Variants in FHIP1A observed in about 807,000 individuals in gnomAD.
The protein encoded by FHIP1A is FHF complex subunit HOOK interacting protein 1A, also known as FHF complex subunit HOOK-interacting protein 1A.
FHIP1A carries 61 observed loss-of-function variants against 88.6 expected under a neutral mutation model. The ratio of observed to expected loss-of-function variants is 0.69; its 90% CI spans 0.56 to 0.85. The LOEUF (loss-of-function observed/expected upper bound fraction) is 0.85, where lower values mean the gene tolerates loss of function less well. Among genes scored for constraint, FHIP1A ranks in the 40% least tolerant of loss-of-function variants. The pLI is 0.00. For synonymous variants in FHIP1A, 478 were observed against 496.0 expected (o/e 0.96, Z 0.48); for missense variants, 1,154 against 1,273.5 (o/e 0.91, Z 1.43).
intron 3 of FHIP1A, among the ~76,000 whole-genome samples, chr4:151,527,079 A>G (rs1731697231): frequency 7.3e-6 from 1 of 136,346 alleles, no homozygotes; most frequent in African/African-American, 2.8e-5. Flanking sequence ...ATCCCAGACG[A>G]TGGGCGGCCG....
chr4:151,488,746 T>C (rs992076928), intron 3 of FHIP1A, among the ~76,000 whole-genome samples: 5 of 152,242 alleles, frequency 3.3e-5, no homozygotes, highest in African/African-American at 1.2e-4. Context: ...TTCAGTTACC[T>C]CTTTTAGACC....
At chr4:151,606,707 T>C (rs1560795958) in intron 7 of FHIP1A, among the ~76,000 whole-genome samples, 2 of 152,216 alleles carry the variant, frequency 1.3e-5, no homozygotes. Flanking sequence ...CATTGTCTTG[T>C]TCTATTTTTG....
At chr4:151,649,388 G>T (rs1335200327) in intron 10 of FHIP1A, 71 bp from the exon 11 acceptor site, 2 of 1,139,524 alleles carry the variant, frequency 1.8e-6, no homozygotes, top group East Asian at 2.6e-5. Context: ...AGCCCGAATG[G>T]GTCACAACCC....
intron 2 of FHIP1A, among the ~76,000 whole-genome samples, chr4:151,473,285 A>G (rs1281515908): frequency 6.6e-6 from 1 of 152,118 alleles, no homozygotes; most frequent in Non-Finnish European, 1.5e-5. Flanking sequence ...GCCGAGTTTT[A>G]TTAAGGTGAA....
chr4:151,580,012 A>G (rs946539703), intron 5 of FHIP1A, among the ~76,000 whole-genome samples: 2 of 152,198 alleles, frequency 1.3e-5, no homozygotes, highest in Non-Finnish European at 2.9e-5. Context: ...CTGTTATTGT[A>G]CCTAAGAACA....
intron 7 of FHIP1A, among the ~76,000 whole-genome samples, chr4:151,592,784 A>G (rs1281601010): frequency 1.3e-5 from 2 of 152,126 alleles, no homozygotes; most frequent in Admixed American, 6.5e-5. Flanking sequence ...CCATTTATCA[A>G]TTTTGGCTTT....
intron 1 of FHIP1A, among the ~76,000 whole-genome samples, chr4:151,422,984 G>T (rs1733232659): frequency 1.3e-5 from 2 of 152,158 alleles, no homozygotes; most frequent in Non-Finnish European, 2.9e-5. Flanking sequence ...AAGGCCTTCT[G>T]TTCTGCTTTC....
At position 151,577,686 on chromosome 4, in the gene FHIP1A, TAAAATTG is replaced by T. The variant is rs1560778695; in HGVS notation, c.344_350del (p.Lys115SerfsTer3). 9.7e-6 allele frequency: 15 copies of T among 1,551,498 alleles called. No homozygotes were observed. The highest frequency in any genetic ancestry group is 1.2e-5 in the Non-Finnish European group (14 of 1,146,974). On this transcript the variant is annotated frameshift_variant, in exon 5 of 14. Coordinates refer to ENST00000435205, the MANE Select transcript of FHIP1A (RefSeq NM_001109977.3). LOFTEE classifies it high-confidence loss of function. ...TGAGAAGGGAGTTTACTGATGAGAC[TAAAATTG>T]AGCAGCTAAAGATGTATGAGATGTT...
Position 151,668,814 on chromosome 4 carries a change from C to G in FHIP1A, c.*6060C>G, listed in dbSNP as rs893497105. ...AGAACCCTCCAACCTCCTCCCCAGG[C>G]AACAGAACACAGGGTTTGGGCCTGA... On this transcript the variant is annotated 3_prime_UTR_variant, in exon 14 of 14. Transcript: ENST00000435205. Among the ~76,000 whole-genome samples, 1 of 152,222 alleles carries G rather than the reference C, an allele frequency of 6.6e-6. No individual in the cohort carries two copies. The highest frequency in any genetic ancestry group is 1.5e-5 in the Non-Finnish European group (1 of 68,034).
intron 5 of FHIP1A, 33 bp downstream of exon 5, chr4:151,578,109 ACTCC>A: frequency 6.6e-7 from 1 of 1,525,966 alleles, no homozygotes; most frequent in Non-Finnish European, 8.8e-7. Flanking sequence ...TTTTCCACTC[ACTCC>A]CTTTTTTCTC....
rs536626535 is a variant in FHIP1A at position 151,556,148 on chromosome 4, A to C, written c.-122-9990A>C. 2.0e-5 allele frequency among the ~76,000 whole-genome samples: 3 copies of C among 152,256 alleles called. No individual in the cohort carries two copies. The South Asian group carries it at 6.2e-4, about 32-fold the overall frequency. On this transcript the variant is annotated intron_variant, in intron 3 of 13. Transcript: ENST00000435205. ...CGTATTTTTGGGAGCCTTCAGAACT[A>C]AACATGGTCAGATTTTTAAAGCTGA...
At chr4:151,572,399 G>A (rs933884759) in intron 4 of FHIP1A, among the ~76,000 whole-genome samples, 1 of 152,230 alleles carries the variant, frequency 6.6e-6, no homozygotes, top group African/African-American at 2.4e-5. Context: ...GCAAGCCTCT[G>A]GAGCTCAGGG....
At chr4:151,448,274 GT>G (rs1728676917) in intron 1 of FHIP1A, among the ~76,000 whole-genome samples, 2 of 152,060 alleles carry the variant, frequency 1.3e-5, no homozygotes, top group Admixed American at 1.3e-4. Context: ...CCCAGTCTAT[GT>G]TTTTCTGTTA....
chr4:151,635,843 T>A (rs1347256388), intron 8 of FHIP1A, among the ~76,000 whole-genome samples: 1 of 152,012 alleles, frequency 6.6e-6, no homozygotes, highest in African/African-American at 2.4e-5. Context: ...GTGATTTGTA[T>A]GCTTAAAAAT....
chr4:151,638,861 G>A, intron 9 of FHIP1A, 105 bp downstream of exon 9: 3 of 530,732 alleles, frequency 5.7e-6, no homozygotes, highest in Non-Finnish European at 9.2e-6. Flanking sequence ...TACTTTGGTT[G>A]TATAAGCTAA....
intron 7 of FHIP1A, among the ~76,000 whole-genome samples, chr4:151,606,137 T>A (rs1735065025): frequency 6.6e-6 from 1 of 152,176 alleles, no homozygotes; most frequent in African/African-American, 2.4e-5. Context: ...TAATTTCATT[T>A]CTCCTGTCCG....
At chr4:151,511,398 G>A (rs997845601) in intron 3 of FHIP1A, among the ~76,000 whole-genome samples, 51 of 152,208 alleles carry the variant, frequency 3.4e-4, no homozygotes, top group Non-Finnish European at 5.0e-4. Flanking sequence ...CTGAGGTACC[G>A]GGTTCATCTC....
chr4:151,631,763 A>G (rs1057353877), intron 8 of FHIP1A, among the ~76,000 whole-genome samples: 2 of 152,096 alleles, frequency 1.3e-5, no homozygotes, highest in African/African-American at 2.4e-5. Flanking sequence ...CCCCTCCCCA[A>G]CACAGTGTGG....
At position 151,665,608 on chromosome 4, in the gene FHIP1A, G is replaced by C. The variant is rs571920336; in HGVS notation, c.*2854G>C. Among the ~76,000 whole-genome samples the C allele has an allele frequency of 6.6e-6, 1 of 152,176 alleles. No individual in the cohort carries two copies. The highest frequency in any genetic ancestry group is 2.4e-5 in the African/African-American group (1 of 41,436). ...ACAGCAGAGAACTGAGTCTATCCAC[G>C]GGAGAAGAGCAAATCCTGCACGATT... On this transcript the variant is annotated 3_prime_UTR_variant, in exon 14 of 14. Coordinates refer to ENST00000435205, the MANE Select transcript of FHIP1A (RefSeq NM_001109977.3).
Sources: gnomAD v4.1 joint callset for allele counts (sites outside exome capture counted in the v4.1 genomes callset) on GRCh38, gnomAD v4.1.1 for gene constraint, MANE v1.5 for transcripts, NCBI Gene and HGNC (gene_info 2026-07-23, HGNC 2026-07-21) for gene names.